Variants in ATP2B2 observed in about 807,000 individuals in gnomAD.
The protein encoded by ATP2B2 is ATPase plasma membrane Ca2+ transporting 2, also known as plasma membrane calcium-transporting ATPase 2.
ATP2B2 carries 15 observed loss-of-function variants against 120.0 expected under a neutral mutation model. The ratio of observed to expected loss-of-function variants is 0.12; its 90% CI spans 0.08 to 0.19. The LOEUF (loss-of-function observed/expected upper bound fraction) is 0.19, where lower values mean the gene tolerates loss of function less well. Among genes scored for constraint, ATP2B2 ranks in the 10% least tolerant of loss-of-function variants. The probability of loss-of-function intolerance (pLI) is 1.00; values close to 1 mark genes in which losing one functional copy is unlikely to be tolerated. For synonymous variants in ATP2B2, 694 were observed against 700.3 expected, an observed-to-expected ratio of 0.99 and a Z score of 0.14; for missense variants, 1,045 against 1,719.8, an observed-to-expected ratio of 0.61 and a Z score of 6.94.
Position 10,340,583 on chromosome 3 carries a change from G to A in ATP2B2, c.3039C>T (p.Ala1013=), listed in dbSNP as rs1420745814. 6.2e-7 allele frequency: 1 copy of A among 1,614,266 alleles called. No homozygotes were observed. Among genetic ancestry groups the A allele is most frequent in the Non-Finnish European group, 8.5e-7 (1 of 1,180,052 alleles). ...CATTGCGCTCGCCGTGGATCTTGCG[G>A]GCGTTGATCTCGTTGAAGAGCTGCA... ...VMMQLFNEIN[A]RKIHGERNVF... The change falls in exon 20 of 23, where the codon GCC becomes GCT. Residue 1013 remains alanine, a synonymous_variant. Coordinates refer to ENST00000360273, the MANE Select transcript of ATP2B2 (RefSeq NM_001001331.4). This position sits in a 1 kb window ranked among gnomAD's most constrained non-coding sequence, Gnocchi z 5.0.
At chr3:10,621,039 G>A (rs1039283845) in intron 1 of ATP2B2, among the ~76,000 whole-genome samples, 5 of 152,256 alleles carry the variant, frequency 3.3e-5, no homozygotes, top group South Asian at 4.2e-4. Flanking sequence ...AGATGACACC[G>A]GGCACTTGGT....
intron 1 of ATP2B2, among the ~76,000 whole-genome samples, chr3:10,478,636 TCCAGCAGCCACC>T (rs2065289626): frequency 6.6e-6 from 1 of 152,302 alleles, no homozygotes; most frequent in Non-Finnish European, 1.5e-5. Context: ...CAGCATAGAA[TCCAGCAGCCACC>T]CCTGCCTCTT....
chr3:10,453,785 G>A (rs1408544010), intron 1 of ATP2B2, among the ~76,000 whole-genome samples: 2 of 152,080 alleles, frequency 1.3e-5, no homozygotes, highest in Non-Finnish European at 2.9e-5. Context: ...GAGTTAGTGG[G>A]CTACTGTTGA....
chr3:10,707,282 T>C (rs757341834), intron 1 of ATP2B2, among the ~76,000 whole-genome samples: 2 of 152,100 alleles, frequency 1.3e-5, no homozygotes, highest in Non-Finnish European at 2.9e-5. Flanking sequence ...GGGTTAGGGC[T>C]GTGGCCAGGG....
chr3:10,431,937 T>C (rs2063329162), intron 2 of ATP2B2, among the ~76,000 whole-genome samples: 1 of 152,186 alleles, frequency 6.6e-6, no homozygotes. Flanking sequence ...AAGATAAAAA[T>C]AGCTCTTAAT....
chr3:10,535,139 G>C (rs2067287020), intron 2 of ATP2B2, among the ~76,000 whole-genome samples: 1 of 151,952 alleles, frequency 6.6e-6, no homozygotes, highest in Non-Finnish European at 1.5e-5. Flanking sequence ...CCTGAGTTTA[G>C]GTGATCCACC....
intron 1 of ATP2B2, among the ~76,000 whole-genome samples, chr3:10,496,490 C>T (rs1003259323): frequency 1.3e-5 from 2 of 152,336 alleles, no homozygotes; most frequent in Non-Finnish European, 2.9e-5. Flanking sequence ...AAACCTGGGG[C>T]GCAGTTCATG....
At chr3:10,480,440 G>T (rs2065366373) in intron 1 of ATP2B2, among the ~76,000 whole-genome samples, 1 of 152,146 alleles carries the variant, frequency 6.6e-6, no homozygotes, top group Non-Finnish European at 1.5e-5. Context: ...TCCATAAGCT[G>T]CCAGATCTGG....
In ATP2B2 at chr3:10,704,046, C is replaced by T. The variant is rs542332869; in HGVS notation, c.-460+3869G>A. Among the ~76,000 whole-genome samples the T allele has an allele frequency of 4.6e-5, 7 of 152,328 alleles. No homozygotes were observed. In the East Asian group the frequency reaches 5.8e-4, roughly 13 times the overall value. Reference sequence around the variant, plus strand: ...GAGGCCACAGTAAAGGCTCTTACCCCATCTTCCCCTCACTCCCTCTGCCTC... The same window carrying T: ...GAGGCCACAGTAAAGGCTCTTACCCTATCTTCCCCTCACTCCCTCTGCCTC... On this transcript the variant is annotated intron_variant, in intron 1 of 21. Coordinates refer to the ATP2B2 transcript ENST00000646379.
At chr3:10,512,500 A>ACACG (rs1559431590) in intron 3 of ATP2B2, among the ~76,000 whole-genome samples, 4 of 150,408 alleles carry the variant, frequency 2.7e-5, no homozygotes, top group African/African-American at 9.8e-5. Context: ...ACACACACAC[A>ACACG]CACACACACA....
intron 2 of ATP2B2, among the ~76,000 whole-genome samples, chr3:10,606,035 T>C (rs2069055796): frequency 6.6e-6 from 1 of 152,086 alleles, no homozygotes; most frequent in African/African-American, 2.4e-5. Context: ...GGAGGTTTGC[T>C]TGAGTCCAGA....
intron 5 of ATP2B2, among the ~76,000 whole-genome samples, chr3:10,397,760 C>T (rs1237015095): frequency 2.0e-5 from 3 of 152,118 alleles, no homozygotes; most frequent in Non-Finnish European, 4.4e-5. Flanking sequence ...ATGCGGTGCC[C>T]ATTCAGTAGG....
intron 1 of ATP2B2, among the ~76,000 whole-genome samples, chr3:10,656,775 GTGACTT>G (rs1181672117): frequency 6.6e-6 from 1 of 152,258 alleles, no homozygotes; most frequent in African/African-American, 2.4e-5. Context: ...GTGCTGAGGT[GTGACTT>G]CTCTAAGACA....
chr3:10,385,193 A>T, intron 8 of ATP2B2, 75 bp downstream of exon 8: 1 of 1,463,364 alleles, frequency 6.8e-7, no homozygotes, highest in Non-Finnish European at 9.6e-7. Flanking sequence ...GAACAAGGAA[A>T]GAAAGCCCAA....
At chr3:10,330,837 T>C (rs2059960126) in intron 22 of ATP2B2, among the ~76,000 whole-genome samples, 1 of 152,238 alleles carries the variant, frequency 6.6e-6, no homozygotes, top group Non-Finnish European at 1.5e-5. Flanking sequence ...TGTTTTACTG[T>C]TGCAGAGGGA....
intron 12 of ATP2B2, among the ~76,000 whole-genome samples, chr3:10,368,568 A>G (rs1471227200): frequency 2.0e-5 from 3 of 149,988 alleles, no homozygotes; most frequent in African/African-American, 4.9e-5. Context: ...ACCAGCCAAT[A>G]TATCCATGCA....
chr3:10,571,737 A>C (rs2068132403), intron 2 of ATP2B2, among the ~76,000 whole-genome samples: 1 of 151,918 alleles, frequency 6.6e-6, no homozygotes, highest in Non-Finnish European at 1.5e-5. Flanking sequence ...ACCCTGGATG[A>C]CTCCTTAACT....
chr3:10,666,215 C>T (rs539042025), intron 1 of ATP2B2, among the ~76,000 whole-genome samples: 9 of 152,260 alleles, frequency 5.9e-5, no homozygotes, highest in Admixed American at 2.0e-4. Flanking sequence ...CCTGGCCCTA[C>T]AGCTCCCTGC....
chr3:10,406,326 G>A (rs767127935), intron 3 of ATP2B2, among the ~76,000 whole-genome samples: 3 of 152,214 alleles, frequency 2.0e-5, no homozygotes, highest in African/African-American at 7.2e-5. Flanking sequence ...TAGACACTGT[G>A]TACAGATAGC....
Sources: allele counts gnomAD v4.1 joint callset (sites outside exome capture counted in the v4.1 genomes callset), GRCh38; gene constraint gnomAD v4.1.1; non-coding constraint Gnocchi (gnomAD v3.1); transcripts MANE v1.5; gene names NCBI Gene and HGNC (gene_info 2026-07-23, HGNC 2026-07-21).